PTCHD4: variants seen among roughly 807,000 people sequenced by gnomAD.
PTCHD4 encodes the protein patched domain containing 4.
In PTCHD4, 33 loss-of-function variants were observed where a neutral mutation model predicts 58.1. The ratio of observed to expected loss-of-function variants is 0.57; its 90% CI spans 0.43 to 0.76. The LOEUF (loss-of-function observed/expected upper bound fraction) is 0.76. PTCHD4 is among the 30% of genes least tolerant of loss of function. The pLI, the probability that PTCHD4 is intolerant of heterozygous loss-of-function variation, is 0.00. For synonymous variants in PTCHD4, 478 were observed against 409.6 expected, an observed-to-expected ratio of 1.17 and a Z score of -2.02; for missense variants, 1,058 against 1,027.1, an observed-to-expected ratio of 1.03 and a Z score of -0.41.
chr6:47,970,434 T>C (rs1452904420), intron 4 of PTCHD4, among the ~76,000 whole-genome samples: 1 of 152,110 alleles, frequency 6.6e-6, no homozygotes, highest in East Asian at 1.9e-4. Flanking sequence ...TGCAGAATCT[T>C]AGAAAAATGC....
intron 3 of PTCHD4, among the ~76,000 whole-genome samples, chr6:48,032,806 C>A (rs1304753072): frequency 6.6e-6 from 1 of 152,062 alleles, no homozygotes; most frequent in Non-Finnish European, 1.5e-5. Flanking sequence ...AAATCTCTTT[C>A]CTCTAATGTC....
intron 3 of PTCHD4, among the ~76,000 whole-genome samples, chr6:48,054,781 G>C (rs1213839054): frequency 6.6e-6 from 1 of 152,110 alleles, no homozygotes; most frequent in African/African-American, 2.4e-5. Flanking sequence ...TATAGTTAAA[G>C]GCTGGAAATA....
At chr6:47,957,573 GT>G (rs56719732) in intron 4 of PTCHD4, among the ~76,000 whole-genome samples, 141,742 of 146,920 alleles carry the variant, frequency 0.96, 68,376 homozygotes, top group East Asian at 1. Context: ...TACAAGACAA[GT>G]TTTTTTTTTT....
At chr6:48,109,215 C>G (rs1765810455) in intron 1 of PTCHD4, among the ~76,000 whole-genome samples, 1 of 152,018 alleles carries the variant, frequency 6.6e-6, no homozygotes, top group African/African-American at 2.4e-5. Context: ...TTTATTTAAG[C>G]TGTTTCAAAG....
At position 47,860,449 on chromosome 6, in the gene PTCHD4, A is replaced by G. The variant is rs1285284788; in HGVS notation, c.*17854T>C. On this transcript the variant is annotated 3_prime_UTR_variant, in exon 5 of 5. Transcript: ENST00000339488. ...TAGAACTCAGTGGATAAGACACATG[A>G]TCTGATTTTGTTTAGTAATCTACAT... Among the ~76,000 whole-genome samples the G allele has an allele frequency of 1.3e-5, 2 of 152,018 alleles. No homozygotes were observed. Among genetic ancestry groups the G allele is most frequent in the African/African-American group, 4.8e-5 (2 of 41,430 alleles).
intron 3 of PTCHD4, among the ~76,000 whole-genome samples, chr6:48,010,749 C>T (rs765894708): frequency 1.4e-4 from 21 of 152,116 alleles, no homozygotes; most frequent in Non-Finnish European, 2.6e-4. Flanking sequence ...CATCTCCTAG[C>T]CCACCACCCA....
At chr6:47,887,167 A>G (rs542446233) in intron 4 of PTCHD4, among the ~76,000 whole-genome samples, 205 of 151,238 alleles carry the variant, frequency 1.4e-3, no homozygotes, top group African/African-American at 4.7e-3. Context: ...TTGTAATGAT[A>G]CTTACTAGAT....
chr6:47,875,546 C>T lies in PTCHD4; in HGVS notation c.*2757G>A, dbSNP rs1763825528. Among the ~76,000 whole-genome samples, 1 of 151,750 alleles carries T rather than the reference C, an allele frequency of 6.6e-6. No individual in the cohort carries two copies. Among genetic ancestry groups the T allele is most frequent in the South Asian group, 2.1e-4 (1 of 4,822 alleles). On this transcript the variant is annotated 3_prime_UTR_variant, in exon 5 of 5. Coordinates refer to ENST00000339488, the MANE Select transcript of PTCHD4 (RefSeq NM_001384253.1). Reference sequence around the variant, plus strand: ...ATAATTCCATTTCAGTAAATTATTGCTACAGTTCTCTAAAGAGTACTACGG... The same window carrying T: ...ATAATTCCATTTCAGTAAATTATTGTTACAGTTCTCTAAAGAGTACTACGG...
intron 3 of PTCHD4, among the ~76,000 whole-genome samples, chr6:48,032,423 C>CGT (rs370506325): frequency 3.0e-4 from 46 of 151,138 alleles, no homozygotes; most frequent in South Asian, 6.3e-4. Flanking sequence ...TCTGTGTATG[C>CGT]GTGTGTGTGT....
At chr6:47,936,460 C>A (rs970673218) in intron 4 of PTCHD4, among the ~76,000 whole-genome samples, 35 of 152,170 alleles carry the variant, frequency 2.3e-4, no homozygotes, top group Non-Finnish European at 4.6e-4. Context: ...TCGAAAAGCC[C>A]TGATACCATG....
intron 4 of PTCHD4, among the ~76,000 whole-genome samples, chr6:47,972,782 A>C (rs1433874379): frequency 6.6e-6 from 1 of 152,046 alleles, no homozygotes; most frequent in Non-Finnish European, 1.5e-5. Context: ...GATGCTTCTA[A>C]GTGATGAGAC....
chr6:48,078,881 G>A (rs767319987), intron 1 of PTCHD4, among the ~76,000 whole-genome samples: 3 of 152,152 alleles, frequency 2.0e-5, no homozygotes, highest in Non-Finnish European at 4.4e-5. Flanking sequence ...CACTTTGGGA[G>A]GCGGAGGCGG....
At chr6:47,897,840 C>G (rs183692692) in intron 4 of PTCHD4, among the ~76,000 whole-genome samples, 1 of 151,488 alleles carries the variant, frequency 6.6e-6, no homozygotes, top group Admixed American at 6.6e-5. Flanking sequence ...AGTGAGAGTA[C>G]ATCTCTAACT....
intron 1 of PTCHD4, among the ~76,000 whole-genome samples, chr6:48,109,341 A>T (rs1265243152): frequency 6.6e-6 from 1 of 152,170 alleles, no homozygotes; most frequent in East Asian, 1.9e-4. Flanking sequence ...ACAACTTTTT[A>T]AAATCATCAA....
At chr6:47,977,876 A>G (rs185770429) in intron 4 of PTCHD4, among the ~76,000 whole-genome samples, 6 of 152,072 alleles carry the variant, frequency 3.9e-5, no homozygotes, top group East Asian at 3.9e-4. Context: ...ACAAAAATCT[A>G]TTTCTTTTAG....
intron 4 of PTCHD4, among the ~76,000 whole-genome samples, chr6:47,886,065 G>C (rs1014085158): frequency 1.3e-5 from 2 of 150,962 alleles, no homozygotes; most frequent in Non-Finnish European, 2.9e-5. Context: ...TAATCTGCCC[G>C]CCTCGGCCTC....
Position 47,873,846 on chromosome 6 carries a change from CTTTT to C in PTCHD4, c.*4453_*4456del, listed in dbSNP as rs944870771. Reference sequence around the variant, plus strand: ...TTTGGTAATTGAGAAAAAGCTAAAACTTTTTTTGTTTGTTTTTTGTTTGTAAAGG... The same window carrying C: ...TTTGGTAATTGAGAAAAAGCTAAAACTTTGTTTGTTTTTTGTTTGTAAAGG... On this transcript the variant is annotated 3_prime_UTR_variant, in exon 5 of 5. Transcript: ENST00000339488. 6.6e-6 allele frequency among the ~76,000 whole-genome samples: 1 copy of C among 151,620 alleles called. No individual in the cohort carries two copies. The highest frequency in any genetic ancestry group is 2.4e-5 in the African/African-American group (1 of 41,356).
rs994357947 is a variant in PTCHD4, at chr6:47,865,354, T to G, written c.*12949A>C. Among the ~76,000 whole-genome samples the G allele has an allele frequency of 6.6e-6, 1 of 152,070 alleles. No homozygotes were observed. Among genetic ancestry groups the G allele is most frequent in the African/African-American group, 2.4e-5 (1 of 41,556 alleles). On this transcript the variant is annotated 3_prime_UTR_variant, in exon 5 of 5. Coordinates refer to ENST00000339488, the MANE Select transcript of PTCHD4 (RefSeq NM_001384253.1). ...ATGCAGAAAACCAAATCAACTGTTC[T>G]GTAAAGATAAAGCAATTTCCTGAAA...
chr6:47,878,975 T>G lies in PTCHD4; in HGVS notation c.1860A>C (p.Thr620=). The G allele has an allele frequency of 6.2e-7, 1 of 1,613,152 alleles. No individual in the cohort carries two copies. The highest frequency in any genetic ancestry group is 8.5e-7 in the Non-Finnish European group (1 of 1,179,772). Residue 620 remains threonine (T), a synonymous_variant, in exon 5 of 5, where the codon ACA becomes ACC. Transcript: ENST00000339488. ...RTSRDKQKEI[T]EVLEKLRPLS... is the part of the protein sequence containing the mutation. ...GGGGCCTCAGCTTTTCCAACACTTC[T>G]GTGATTTCTTTCTGCTTGTCTCTGC...
Sources: allele counts gnomAD v4.1 joint callset (sites outside exome capture counted in the v4.1 genomes callset), GRCh38; gene constraint gnomAD v4.1.1; transcripts MANE v1.5; gene names NCBI Gene and HGNC (gene_info 2026-07-23, HGNC 2026-07-21).